The following CCDC171 variants were observed in gnomAD, a reference collection of about 807,000 sequenced individuals.
The protein encoded by CCDC171 is coiled-coil domain-containing protein 171.
CCDC171 carries 177 observed loss-of-function variants against 168.2 expected under a neutral mutation model. The observed-to-expected ratio is 1.05, with a 90% CI of 0.93 to 1.19. The LOEUF (loss-of-function observed/expected upper bound fraction) is 1.19. Ranked by LOEUF, CCDC171 falls within the 50% of genes most tolerant of loss-of-function variation. The probability of loss-of-function intolerance (pLI) is 0.00; values close to 1 mark genes in which losing one functional copy is unlikely to be tolerated. For synonymous variants in CCDC171, 687 were observed against 540.8 expected, an observed-to-expected ratio of 1.27 and a Z score of -3.75; for missense variants, 1,991 against 1,539.0, an observed-to-expected ratio of 1.29 and a Z score of -4.91.
At chr9:15,610,469 A>AAAAACAAAAAAAAAAAC (rs2043586988) in intron 6 of CCDC171, among the ~76,000 whole-genome samples, 2 of 136,272 alleles carry the variant, frequency 1.5e-5, no homozygotes, top group Non-Finnish European at 3.2e-5. Context: ...AAAAAAAAAA[A>AAAAACAAAAAAAAAAAC]AAAAAAAAAA....
intron 21 of CCDC171, among the ~76,000 whole-genome samples, chr9:15,796,532 T>A (rs2058564307): frequency 6.6e-6 from 1 of 152,238 alleles, no homozygotes; most frequent in African/African-American, 2.4e-5. Flanking sequence ...AATTGAGGTA[T>A]AATTATAACA....
At chr9:15,634,729 A>G (rs1182162083) in intron 7 of CCDC171, among the ~76,000 whole-genome samples, 1 of 152,194 alleles carries the variant, frequency 6.6e-6, no homozygotes, top group Non-Finnish European at 1.5e-5. Context: ...AGCATTGTGC[A>G]ACCATTACTA....
intron 6 of CCDC171, among the ~76,000 whole-genome samples, chr9:15,601,083 T>TG (rs1232969670): frequency 6.6e-6 from 1 of 152,204 alleles, no homozygotes; most frequent in Non-Finnish European, 1.5e-5. Flanking sequence ...TTGTGCCTCC[T>TG]GGGGGAGGCG....
intron 18 of CCDC171, among the ~76,000 whole-genome samples, chr9:15,759,545 G>GT (rs1554799892): frequency 3.9e-5 from 6 of 152,106 alleles, no homozygotes; most frequent in East Asian, 1.9e-4. Context: ...ATTTAGTCAT[G>GT]TTTTTTTAGT....
chr9:15,700,411 C>T (rs1343651800), intron 11 of CCDC171, among the ~76,000 whole-genome samples: 1 of 152,220 alleles, frequency 6.6e-6, no homozygotes, highest in Non-Finnish European at 1.5e-5. Context: ...CCGGTTCCCA[C>T]TCACGCCTCT....
intron 3 of CCDC171, among the ~76,000 whole-genome samples, chr9:16,000,883 G>C (rs765153262): frequency 6.6e-6 from 1 of 152,130 alleles, no homozygotes; most frequent in Non-Finnish European, 1.5e-5. Flanking sequence ...TCTTCAACTG[G>C]ATCTCGCAGA....
In CCDC171 at chr9:15,802,472, C is replaced by T. The variant is rs559652185; in HGVS notation, c.3267+17778C>T. ...TCCCCACTGTGTGTCCATGTGTTCT[C>T]ATTTAGCTCCCACTTATAAGTGAGA... On this transcript the variant is annotated intron_variant, in intron 21 of 25. Coordinates refer to ENST00000380701, the MANE Select transcript of CCDC171 (RefSeq NM_173550.4). Among the ~76,000 whole-genome samples the T allele has an allele frequency of 1.3e-4, 20 of 152,140 alleles. 1 individual carries two copies. The South Asian group carries it at 4.2e-3, about 32-fold the overall frequency.
chr9:15,799,270 T>G (rs999503746), intron 21 of CCDC171, among the ~76,000 whole-genome samples: 4 of 150,620 alleles, frequency 2.7e-5, no homozygotes, highest in Non-Finnish European at 5.9e-5. Context: ...ATACTTGTCT[T>G]TATTTTCGAA....
At chr9:15,977,861 T>A (rs1831670719), downstream of CCDC171, among the ~76,000 whole-genome samples, 1 of 152,222 alleles carries the variant, frequency 6.6e-6, no homozygotes, top group Admixed American at 6.5e-5. Flanking sequence ...TTTGGGTGTC[T>A]ATATAAGAGG....
At chr9:16,054,401 G>A (rs868790104) in intron 1 of CCDC171, among the ~76,000 whole-genome samples, 2 of 152,180 alleles carry the variant, frequency 1.3e-5, no homozygotes, top group African/African-American at 4.8e-5. Context: ...TCCCACAGGA[G>A]GTAACGTTAG....
chr9:16,029,083 G>T (rs1347076175), intron 6 of CCDC171, among the ~76,000 whole-genome samples: 1 of 152,002 alleles, frequency 6.6e-6, no homozygotes, highest in Non-Finnish European at 1.5e-5. Context: ...AAGACGGCAG[G>T]CGCTGGGTCG....
chr9:15,752,440 A>G (rs1028438309), intron 18 of CCDC171, among the ~76,000 whole-genome samples: 1 of 152,170 alleles, frequency 6.6e-6, no homozygotes, highest in Non-Finnish European at 1.5e-5. Context: ...TACTATAAAG[A>G]CACATGCACA....
intron 10 of CCDC171, among the ~76,000 whole-genome samples, chr9:15,690,000 A>T (rs929059502): frequency 6.6e-6 from 1 of 152,206 alleles, no homozygotes; most frequent in Admixed American, 6.5e-5. Flanking sequence ...GGCTATCCAC[A>T]TCCAAACACC....
At chr9:15,846,283 A>G (rs970777641) in intron 21 of CCDC171, among the ~76,000 whole-genome samples, 5 of 152,032 alleles carry the variant, frequency 3.3e-5, no homozygotes, top group Non-Finnish European at 5.9e-5. Context: ...CATTTTCTCA[A>G]TCACATGCAT....
intron 4 of CCDC171, among the ~76,000 whole-genome samples, chr9:15,582,170 T>C (rs2131296704): frequency 6.6e-6 from 1 of 152,198 alleles, no homozygotes; most frequent in Middle Eastern, 3.4e-3. Flanking sequence ...AACAAACATA[T>C]GAAAAAATGG....
chr9:15,630,634 A>G (rs2045598719), intron 7 of CCDC171, among the ~76,000 whole-genome samples: 1 of 152,182 alleles, frequency 6.6e-6, no homozygotes, highest in Non-Finnish European at 1.5e-5. Flanking sequence ...GAAAGTTAAC[A>G]AGGATATCCA....
chr9:15,946,366 T>C (rs1409913782), intron 25 of CCDC171, among the ~76,000 whole-genome samples: 2 of 151,962 alleles, frequency 1.3e-5, no homozygotes, highest in African/African-American at 4.8e-5. Flanking sequence ...AGCGTTCTTA[T>C]ACACCAATAA....
At chr9:15,917,792 A>T (rs563122234) in intron 24 of CCDC171, among the ~76,000 whole-genome samples, 17 of 151,898 alleles carry the variant, frequency 1.1e-4, no homozygotes, top group Admixed American at 3.3e-4. Flanking sequence ...ACAGTGAAAT[A>T]ATAATCCAGG....
At chr9:15,737,232 G>A (rs765272294) in intron 16 of CCDC171, among the ~76,000 whole-genome samples, 5 of 152,074 alleles carry the variant, frequency 3.3e-5, no homozygotes, top group South Asian at 2.1e-4. Context: ...GTTGCATGCT[G>A]TGGTAGTAAC....
Sources: allele counts gnomAD v4.1 joint callset (sites outside exome capture counted in the v4.1 genomes callset), GRCh38; gene constraint gnomAD v4.1.1; transcripts MANE v1.5; gene names NCBI Gene and HGNC (gene_info 2026-07-23, HGNC 2026-07-21).